Variants in PDE10A observed in about 807,000 individuals in gnomAD.
The protein encoded by PDE10A is phosphodiesterase 10A, also known as cAMP and cAMP-inhibited cGMP 3',5'-cyclic phosphodiesterase 10A.
In PDE10A, 39 loss-of-function variants were observed where a neutral mutation model predicts 97.7. That is an observed-to-expected ratio of 0.40 (90% CI 0.31 to 0.52). The LOEUF (loss-of-function observed/expected upper bound fraction) is 0.52. Among genes scored for constraint, PDE10A ranks in the 20% least tolerant of loss-of-function variants. The pLI is 0.56. For synonymous variants in PDE10A, 371 were observed against 376.8 expected (o/e 0.98, Z 0.18); for missense variants, 731 against 1,047.8 (o/e 0.70, Z 4.17).
intron 1 of PDE10A, among the ~76,000 whole-genome samples, chr6:165,739,848 C>G (rs978425090): frequency 6.6e-6 from 1 of 152,120 alleles, no homozygotes; most frequent in African/African-American, 2.4e-5. Flanking sequence ...CAGTGGCCAG[C>G]AGTGTATGAA....
intron 1 of PDE10A, among the ~76,000 whole-genome samples, chr6:165,893,003 C>T (rs1282088396): frequency 1.3e-5 from 2 of 152,224 alleles, no homozygotes; most frequent in Non-Finnish European, 2.9e-5. Flanking sequence ...CTCACGTTCA[C>T]ACCTGCTGTC....
chr6:165,877,077 G>A (rs1781362971), intron 1 of PDE10A, among the ~76,000 whole-genome samples: 3 of 152,092 alleles, frequency 2.0e-5, no homozygotes, highest in African/African-American at 4.8e-5. Flanking sequence ...TTAGTTTGAG[G>A]GAAAAACAAT....
intron 1 of PDE10A, among the ~76,000 whole-genome samples, chr6:165,715,161 C>T (rs555502672): frequency 3.3e-5 from 5 of 152,242 alleles, no homozygotes; most frequent in Non-Finnish European, 7.3e-5. Context: ...GCGCTGCTTA[C>T]ACTCATGCGG....
At chr6:165,472,759 A>C (rs1052001129) in intron 3 of PDE10A, among the ~76,000 whole-genome samples, 2 of 152,278 alleles carry the variant, frequency 1.3e-5, no homozygotes, top group Non-Finnish European at 2.9e-5. Flanking sequence ...ATTCTGGTAA[A>C]AGGAAATACA....
intron 13 of PDE10A, among the ~76,000 whole-genome samples, chr6:165,412,613 A>C (rs1473772752): frequency 6.6e-6 from 1 of 152,162 alleles, no homozygotes; most frequent in Non-Finnish European, 1.5e-5. Context: ...CTCTCACTAA[A>C]TAGCACAAAC....
intron 1 of PDE10A, among the ~76,000 whole-genome samples, chr6:165,601,445 C>T (rs1346292387): frequency 3.9e-5 from 6 of 152,178 alleles, no homozygotes; most frequent in South Asian, 4.1e-4. Context: ...TGTACTATGC[C>T]GTGTTTTATG....
intron 13 of PDE10A, among the ~76,000 whole-genome samples, chr6:165,400,981 C>A (rs543409529): frequency 1.3e-5 from 2 of 152,106 alleles, no homozygotes; most frequent in East Asian, 3.9e-4. Context: ...TCCCTTTATA[C>A]AAAAGAATTT....
chr6:165,838,524 C>T (rs1035918645), intron 1 of PDE10A, among the ~76,000 whole-genome samples: 1 of 152,204 alleles, frequency 6.6e-6, no homozygotes, highest in African/African-American at 2.4e-5. Context: ...ACATTTCCAT[C>T]AGCTCCAAAA....
chr6:165,729,120 T>C (rs1039000), intron 1 of PDE10A, among the ~76,000 whole-genome samples: 2,135 of 151,724 alleles, frequency 0.014, 48 homozygotes, highest in African/African-American at 0.05. Flanking sequence ...GAGGATCTCT[T>C]GAGCTCAGGA....
chr6:165,412,563 CA>C, intron 13 of PDE10A, among the ~76,000 whole-genome samples: 1 of 152,226 alleles, frequency 6.6e-6, no homozygotes, highest in East Asian at 1.9e-4. Context: ...AACTGTCCCC[CA>C]AAAGGGCACC....
intron 1 of PDE10A, among the ~76,000 whole-genome samples, chr6:165,900,494 A>T (rs1015007151): frequency 1.2e-4 from 18 of 148,396 alleles, no homozygotes; most frequent in Non-Finnish European, 2.2e-4. Context: ...AAATAAAAAT[A>T]AAAAAAAAAG....
At chr6:165,479,757 CAG>C (rs1779497396) in intron 3 of PDE10A, among the ~76,000 whole-genome samples, 2 of 151,706 alleles carry the variant, frequency 1.3e-5, no homozygotes. Flanking sequence ...ATGCCTAAAA[CAG>C]AAATGCTAAA....
chr6:165,954,543 T>C (rs1443505014), intron 1 of PDE10A, among the ~76,000 whole-genome samples: 1 of 152,086 alleles, frequency 6.6e-6, no homozygotes, highest in Non-Finnish European at 1.5e-5. Context: ...TAGGATTCGT[T>C]TTGCTAAGAT....
intron 3 of PDE10A, among the ~76,000 whole-genome samples, chr6:165,464,055 T>A (rs1011570504): frequency 6.6e-6 from 1 of 152,204 alleles, no homozygotes; most frequent in African/African-American, 2.4e-5. Flanking sequence ...TGTTCGGGGA[T>A]CTCAGCTCTG....
In PDE10A at chr6:165,709,375, C is replaced by T. The variant is rs62424923; in HGVS notation, c.-614-165807G>A. Among the ~76,000 whole-genome samples the T allele has an allele frequency of 6.0e-3, 798 of 132,746 alleles. 10 individuals are homozygous for T. Among genetic ancestry groups the T allele is most frequent in the Middle Eastern group, 0.027 (6 of 220 alleles). 87.1% of individuals were successfully genotyped at this position (132,746 alleles called of 152,430 possible). A position where few individuals can be genotyped will look rare whatever the true frequency, so the allele number is the denominator to read the frequency against. On this transcript the variant is annotated intron_variant, in intron 1 of 19. Transcript: ENST00000366882. ...AACCCCAATGCTGCCGCGCTCTCCC[C>T]GTACCCTCCACCACCATGCTGCCGC...
chr6:165,793,091 C>G (rs887806978), intron 1 of PDE10A, among the ~76,000 whole-genome samples: 5 of 152,118 alleles, frequency 3.3e-5, no homozygotes, highest in South Asian at 2.1e-4. Flanking sequence ...AGCCTTCACA[C>G]CGTTTCATAC....
At chr6:165,347,100 T>C (rs989610141) in intron 18 of PDE10A, among the ~76,000 whole-genome samples, 2 of 152,152 alleles carry the variant, frequency 1.3e-5, no homozygotes, top group African/African-American at 4.8e-5. Context: ...TAATGCTTTT[T>C]TTTTTATCTT....
chr6:165,919,550 C>G (rs995894310), intron 1 of PDE10A, among the ~76,000 whole-genome samples: 1 of 152,220 alleles, frequency 6.6e-6, no homozygotes, highest in African/African-American at 2.4e-5. Flanking sequence ...CACATAAAGT[C>G]TCTGCTGTAT....
At chr6:165,546,223 AG>A (rs1222922181) in intron 1 of PDE10A, among the ~76,000 whole-genome samples, 2 of 152,082 alleles carry the variant, frequency 1.3e-5, no homozygotes, top group Non-Finnish European at 2.9e-5. Context: ...TAAGCTGCAG[AG>A]GTAGTAAAAA....
Sources: gnomAD v4.1 joint callset for allele counts (sites outside exome capture counted in the v4.1 genomes callset) on GRCh38, gnomAD v4.1.1 for gene constraint, MANE v1.5 for transcripts, NCBI Gene and HGNC (gene_info 2026-07-23, HGNC 2026-07-21) for gene names.